WDR27: variants seen among roughly 807,000 people sequenced by gnomAD.
WDR27 encodes the protein WD repeat domain 27.
A neutral mutation model predicts 114.4 loss-of-function variants in WDR27; 100 were observed. That is an observed-to-expected ratio of 0.87 (90% CI 0.74 to 1.03). WDR27 has a LOEUF of 1.03. Ranked by LOEUF, WDR27 falls within the 50% of genes least tolerant of loss-of-function variation. The pLI is 0.00. For synonymous variants in WDR27, 449 were observed against 423.1 expected (o/e 1.06, Z -0.75); for missense variants, 1,129 against 1,092.9 (o/e 1.03, Z -0.47).
chr6:169,594,272 A>G (rs1047597766), intron 23 of WDR27, among the ~76,000 whole-genome samples: 1 of 152,198 alleles, frequency 6.6e-6, no homozygotes, highest in African/African-American at 2.4e-5. Context: ...CTTTGATTGC[A>G]TTATAGTGAG....
intron 17 of WDR27, among the ~76,000 whole-genome samples, chr6:169,639,356 T>C (rs1818577696): frequency 6.6e-6 from 1 of 152,190 alleles, no homozygotes; most frequent in Non-Finnish European, 1.5e-5. Context: ...TGTGAGTGTA[T>C]GTTTTCAGAA....
chr6:169,429,861 T>C, the WDR27 span, among the ~76,000 whole-genome samples: 1 of 152,148 alleles, frequency 6.6e-6, no homozygotes, highest in East Asian at 1.9e-4. Context: ...CTACGAGCTG[T>C]GGGTTTAGGT....
At chr6:169,482,921 G>A (rs1211648106) in intron 25 of WDR27, among the ~76,000 whole-genome samples, 4 of 152,138 alleles carry the variant, frequency 2.6e-5, no homozygotes, top group African/African-American at 9.7e-5. Flanking sequence ...TAATCAACCT[G>A]CTCCTGAATG....
chr6:169,543,751 G>A (rs1265120090), intron 25 of WDR27, among the ~76,000 whole-genome samples: 3 of 152,094 alleles, frequency 2.0e-5, no homozygotes, highest in Non-Finnish European at 4.4e-5. Flanking sequence ...AAAACATGAT[G>A]AGTATATATT....
Position 169,523,253 on chromosome 6 carries a change from A to G in WDR27, c.2645+49166T>C, listed in dbSNP as rs143754222. On this transcript the variant is annotated intron_variant, in intron 25 of 25. Transcript: ENST00000448612. ...AGACTGAACCATGAAGAAATAGAAA[A>G]CTTCAATAAACCAGTAATGAGTAAT... Among the ~76,000 whole-genome samples the G allele has an allele frequency of 2.2e-3, 329 of 152,156 alleles. 3 individuals are homozygous for G. Among genetic ancestry groups the G allele is most frequent in the African/African-American group, 7.6e-3 (314 of 41,550 alleles).
At chr6:169,564,891 C>T (rs1800216126) in intron 25 of WDR27, among the ~76,000 whole-genome samples, 1 of 152,224 alleles carries the variant, frequency 6.6e-6, no homozygotes, top group Non-Finnish European at 1.5e-5. Flanking sequence ...CCCGCGTCCT[C>T]ATGCCAACAC....
chr6:169,614,832 T>A (rs1467345896), intron 21 of WDR27, among the ~76,000 whole-genome samples: 1 of 152,158 alleles, frequency 6.6e-6, no homozygotes, highest in Non-Finnish European at 1.5e-5. Context: ...TTACATGAGG[T>A]ACTCAGCATA....
chr6:169,551,881 TCA>T (rs1382024434), intron 25 of WDR27, among the ~76,000 whole-genome samples: 2 of 152,166 alleles, frequency 1.3e-5, no homozygotes, highest in African/African-American at 4.8e-5. Flanking sequence ...CTGAACGCAG[TCA>T]CAGTCGACAC....
At chr6:169,623,382 C>T (rs1303187730) in intron 21 of WDR27, among the ~76,000 whole-genome samples, 1 of 152,180 alleles carries the variant, frequency 6.6e-6, no homozygotes, top group African/African-American at 2.4e-5. Context: ...TCCAGTCTCC[C>T]ATACAGCCGT....
At chr6:169,698,639 GACC>G (rs1208320062) in intron 1 of WDR27, among the ~76,000 whole-genome samples, 1 of 152,200 alleles carries the variant, frequency 6.6e-6, no homozygotes, top group Non-Finnish European at 1.5e-5. Context: ...AACATGGCTG[GACC>G]ACATTTCCAG....
intron 25 of WDR27, among the ~76,000 whole-genome samples, chr6:169,498,360 T>C (rs1037007557): frequency 3.9e-5 from 6 of 152,082 alleles, no homozygotes; most frequent in Non-Finnish European, 8.8e-5. Context: ...GTTATGGAGA[T>C]AGGTGGTGGT....
the WDR27 span, among the ~76,000 whole-genome samples, chr6:169,428,024 T>A: frequency 6.6e-6 from 1 of 152,140 alleles, no homozygotes; most frequent in Non-Finnish European, 1.5e-5. Flanking sequence ...CGTCGACATT[T>A]TCTGAAATGC....
chr6:169,661,004 T>C (rs1584988557), intron 9 of WDR27, among the ~76,000 whole-genome samples: 1 of 151,912 alleles, frequency 6.6e-6, no homozygotes, highest in East Asian at 2.0e-4. Flanking sequence ...GTGGGGAGCG[T>C]GGGCGTTGGG....
chr6:169,485,760 A>C (rs1788796888), intron 25 of WDR27, among the ~76,000 whole-genome samples: 1 of 152,238 alleles, frequency 6.6e-6, no homozygotes, highest in African/African-American at 2.4e-5. Context: ...AATCAACTTA[A>C]ATGCTTATCA....
At chr6:169,467,380 T>TA (rs1785729554) in intron 25 of WDR27, among the ~76,000 whole-genome samples, 1 of 152,212 alleles carries the variant, frequency 6.6e-6, no homozygotes, top group South Asian at 2.1e-4. Flanking sequence ...TGCACTGTCC[T>TA]AGTAGGGGTT....
chr6:169,638,039 G>T (rs763253806), intron 18 of WDR27, among the ~76,000 whole-genome samples: 1 of 79,676 alleles, frequency 1.3e-5, no homozygotes, highest in Non-Finnish European at 2.4e-5. Flanking sequence ...CTAATTGGCC[G>T]GGCGCGGTGG....
At chr6:169,600,374 C>A (rs1247603497) in intron 23 of WDR27, among the ~76,000 whole-genome samples, 1 of 152,090 alleles carries the variant, frequency 6.6e-6, no homozygotes, top group East Asian at 1.9e-4. Flanking sequence ...AAAAACAGAG[C>A]AGAAAACCTG....
chr6:169,638,983 T>TGC lies in WDR27; in HGVS notation c.1748-324_1748-323insGC, dbSNP rs1460218397. Reference sequence around the variant, plus strand: ...GCGTGTACTGCATGGTGCTGGGTACTGTGCAGTGCTGGGTACTGCGTGGTG... The same window carrying TGC: ...GCGTGTACTGCATGGTGCTGGGTACTGCGTGCAGTGCTGGGTACTGCGTGGTG... On this transcript the variant is annotated intron_variant, in intron 17 of 25. Transcript: ENST00000448612. Among the ~76,000 whole-genome samples, 78 of 152,242 alleles carry TGC rather than the reference T, an allele frequency of 5.1e-4. 1 individual carries two copies. In the South Asian group the frequency reaches 0.015, roughly 30 times the overall value.
intron 25 of WDR27, among the ~76,000 whole-genome samples, chr6:169,512,839 G>C (rs567586414): frequency 6.6e-6 from 1 of 152,138 alleles, no homozygotes; most frequent in South Asian, 2.1e-4. Flanking sequence ...CTGAAGCAGT[G>C]TTTTCATGTT....
Sources: allele counts gnomAD v4.1 joint callset (sites outside exome capture counted in the v4.1 genomes callset), GRCh38; gene constraint gnomAD v4.1.1; transcripts MANE v1.5; gene names NCBI Gene and HGNC (gene_info 2026-07-23, HGNC 2026-07-21).